Variants in HMBOX1 observed in about 807,000 individuals in gnomAD.
HMBOX1 encodes the protein homeobox-containing protein 1.
In HMBOX1, 14 loss-of-function variants were observed where a neutral mutation model predicts 54.5. The ratio of observed to expected loss-of-function variants is 0.26; its 90% CI spans 0.17 to 0.40. The LOEUF is 0.40. Ranked by LOEUF, HMBOX1 falls within the 10% of genes least tolerant of loss-of-function variation. HMBOX1 has a pLI of 1.00. For missense variants in HMBOX1, 332 were observed against 514.4 expected (o/e 0.65, Z 3.43); for synonymous variants, 160 against 181.0 (o/e 0.88, Z 0.93).
At chr8:28,911,905 G>C (rs1815518513) in intron 1 of HMBOX1, among the ~76,000 whole-genome samples, 1 of 152,142 alleles carries the variant, frequency 6.6e-6, no homozygotes, top group South Asian at 2.1e-4. Flanking sequence ...TTGACTTAAT[G>C]ATTTTTTAAC....
chr8:29,046,378 C>T (rs1805561496), intron 7 of HMBOX1: 1 of 152,240 alleles, frequency 6.6e-6, no homozygotes, highest in Non-Finnish European at 1.5e-5. Context: ...CTGGTTTCTT[C>T]ACCCACTGTG....
At chr8:28,974,825 G>T (rs924650514) in intron 3 of HMBOX1, among the ~76,000 whole-genome samples, 1 of 152,100 alleles carries the variant, frequency 6.6e-6, no homozygotes, top group Non-Finnish European at 1.5e-5. Flanking sequence ...GTCTGTCCTG[G>T]CAGGTGTTGC....
chr8:28,911,378 T>A lies in HMBOX1; in HGVS notation c.-58+20700T>A, dbSNP rs1467454138. 2.6e-5 allele frequency among the ~76,000 whole-genome samples: 4 copies of A among 152,174 alleles called. No individual in the cohort carries two copies. In the East Asian group the frequency reaches 7.7e-4, roughly 29 times the overall value. On this transcript the variant is annotated intron_variant, in intron 1 of 9. Transcript: ENST00000287701. ...CTGAATGCTGCTGCTTGACTTTTTTTGAAGTCTCCCTCTATTGCCTAGGCT... is the reference window on the plus strand; with the variant it reads ...CTGAATGCTGCTGCTTGACTTTTTTAGAAGTCTCCCTCTATTGCCTAGGCT...
chr8:28,960,893 T>A (rs546653525), intron 1 of HMBOX1, among the ~76,000 whole-genome samples: 1 of 150,006 alleles, frequency 6.7e-6, no homozygotes, highest in Admixed American at 6.7e-5. Context: ...TTCAAGCGAT[T>A]CTCCTGCCTC....
intron 5 of HMBOX1, among the ~76,000 whole-genome samples, chr8:29,018,360 T>C (rs566505594): frequency 6.6e-6 from 1 of 152,288 alleles, no homozygotes; most frequent in South Asian, 2.1e-4. Flanking sequence ...GAATCTAGTA[T>C]AGCATCAACA....
chr8:28,999,407 T>C (rs528612124), intron 4 of HMBOX1, among the ~76,000 whole-genome samples: 3 of 152,304 alleles, frequency 2.0e-5, no homozygotes, highest in South Asian at 4.1e-4. Flanking sequence ...TTGAGCTTTT[T>C]AGATGTGTGC....
chr8:29,051,177 A>G lies in HMBOX1; in HGVS notation c.*22A>G, dbSNP rs777466268. ...CTGATCAGGGAGGTTAAACATGACA[A>G]GTTAACTTAGTTTAGACGTAGCACC... On this transcript the variant is annotated 3_prime_UTR_variant, in exon 10 of 10. Transcript: ENST00000287701. 26 of 1,612,524 alleles carry G rather than the reference A, an allele frequency of 1.6e-5. No homozygotes were observed. The Middle Eastern group carries it at 6.6e-4, about 41-fold the overall frequency.
intron 1 of HMBOX1, among the ~76,000 whole-genome samples, chr8:28,902,856 G>T (rs1010942791): frequency 1.3e-5 from 2 of 152,184 alleles, no homozygotes; most frequent in Non-Finnish European, 2.9e-5. Context: ...GAGCATGTAT[G>T]ATGGAAATAT....
intron 1 of HMBOX1, among the ~76,000 whole-genome samples, chr8:28,957,760 T>C (rs1322509201): frequency 1.3e-5 from 2 of 152,042 alleles, no homozygotes; most frequent in East Asian, 3.9e-4. Flanking sequence ...GTAGCTGGGA[T>C]TATAGGTGTG....
chr8:28,905,511 C>T (rs1191628741), intron 1 of HMBOX1, among the ~76,000 whole-genome samples: 1 of 152,214 alleles, frequency 6.6e-6, no homozygotes, highest in Non-Finnish European at 1.5e-5. Context: ...CAGTTATAGC[C>T]TTCAAAAGAT....
At chr8:28,999,093 G>C (rs1832272487) in intron 4 of HMBOX1, among the ~76,000 whole-genome samples, 1 of 152,016 alleles carries the variant, frequency 6.6e-6, no homozygotes, top group African/African-American at 2.4e-5. Context: ...TATTTCTTCA[G>C]GTGTATTTGA....
chr8:29,038,260 T>C (rs1804232064), intron 6 of HMBOX1, among the ~76,000 whole-genome samples: 1 of 152,234 alleles, frequency 6.6e-6, no homozygotes, highest in Non-Finnish European at 1.5e-5. Context: ...TAATTCTTTG[T>C]TGTCATTGTC....
chr8:28,964,857 T>C (rs1826180262), intron 2 of HMBOX1, among the ~76,000 whole-genome samples: 1 of 152,126 alleles, frequency 6.6e-6, no homozygotes, highest in Non-Finnish European at 1.5e-5. Context: ...TGGGCCTTAG[T>C]TTCCCTCCCC....
chr8:28,926,300 T>TACACACACACAC (rs1415903810), intron 1 of HMBOX1, among the ~76,000 whole-genome samples: 1 of 139,370 alleles, frequency 7.2e-6, no homozygotes, highest in African/African-American at 2.9e-5. Context: ...TATATATATA[T>TACACACACACAC]ATATACACAC....
chr8:28,936,703 G>T (rs1239484227), intron 1 of HMBOX1, among the ~76,000 whole-genome samples: 1 of 150,664 alleles, frequency 6.6e-6, no homozygotes, highest in Non-Finnish European at 1.5e-5. Flanking sequence ...ATATCTGAGA[G>T]TTAGGTTATA....
At position 28,949,817 on chromosome 8, in the gene HMBOX1, G is replaced by T. The variant is rs1049756201; in HGVS notation, c.-57-13994G>T. On this transcript the variant is annotated intron_variant, in intron 1 of 9. Coordinates refer to ENST00000287701, the MANE Select transcript of HMBOX1 (RefSeq NM_001135726.3). ...ATAACAGAAATATATGTGTGGTGCT[G>T]TACTAGCAGAGTTTTGTAAAGTTTA... is the stretch of plus-strand genomic sequence containing the variant. 11 of 152,136 alleles carry T rather than the reference G, an allele frequency of 7.2e-5. No homozygotes were observed. In the East Asian group the frequency reaches 2.1e-3, roughly 29 times the overall value. The allele number at this position is 152,136 out of a possible 1,614,324, so 9.4% of individuals were successfully genotyped here. A position where few individuals can be genotyped will look rare whatever the true frequency, so the allele number is the denominator to read the frequency against.
In HMBOX1 at chr8:29,049,241, T is replaced by C. The variant is rs529117525; in HGVS notation, c.1125+193T>C. The C allele has an allele frequency of 2.5e-5, 38 of 1,520,040 alleles. No homozygotes were observed. The South Asian group carries it at 4.1e-4, about 17-fold the overall frequency. 94.2% of individuals were successfully genotyped at this position (1,520,040 alleles called of 1,614,324 possible). ...GGTAAGATTCAGTTGTCCTGTTGAATTTGTGAGAGATCGTTATTCACCCAC... is the reference window on the plus strand; with the variant it reads ...GGTAAGATTCAGTTGTCCTGTTGAACTTGTGAGAGATCGTTATTCACCCAC... On this transcript the variant is annotated intron_variant, in intron 9 of 9. Coordinates refer to ENST00000287701, the MANE Select transcript of HMBOX1 (RefSeq NM_001135726.3).
chr8:29,035,965 A>T (rs888827434), intron 6 of HMBOX1, among the ~76,000 whole-genome samples: 10 of 152,234 alleles, frequency 6.6e-5, no homozygotes, highest in African/African-American at 2.4e-4. Context: ...ACCAATTGTT[A>T]CATAGTAATA....
At chr8:29,045,574 GGTGGCCA>G in intron 7 of HMBOX1, 131 bp downstream of exon 7, 1 of 697,562 alleles carries the variant, frequency 1.4e-6, no homozygotes, top group South Asian at 1.6e-5. Context: ...TCCTTCCGCA[GGTGGCCA>G]GTGCCCTGTC....
Sources: allele counts gnomAD v4.1 joint callset (sites outside exome capture counted in the v4.1 genomes callset), GRCh38; gene constraint gnomAD v4.1.1; transcripts MANE v1.5; gene names NCBI Gene and HGNC (gene_info 2026-07-23, HGNC 2026-07-21).